Variants in CNTNAP2 observed in about 807,000 individuals in gnomAD.
The protein encoded by CNTNAP2 is contactin-associated protein-like 2.
CNTNAP2 carries 98 observed loss-of-function variants against 155.2 expected under a neutral mutation model. The ratio of observed to expected loss-of-function variants is 0.63; its 90% CI spans 0.54 to 0.75. CNTNAP2 has a LOEUF of 0.75. Among genes scored for constraint, CNTNAP2 ranks in the 30% least tolerant of loss-of-function variants. The pLI, the probability that CNTNAP2 is intolerant of heterozygous loss-of-function variation, is 0.00. For missense variants in CNTNAP2, 1,727 were observed against 1,688.1 expected (o/e 1.02, Z -0.40); for synonymous variants, 651 against 631.2 (o/e 1.03, Z -0.47).
At chr7:147,138,288 A>G (rs1801528852) in intron 8 of CNTNAP2, among the ~76,000 whole-genome samples, 1 of 151,954 alleles carries the variant, frequency 6.6e-6, no homozygotes, top group African/African-American at 2.4e-5. Context: ...AATAGATTCT[A>G]TTGTTTGGTG....
intron 1 of CNTNAP2, among the ~76,000 whole-genome samples, chr7:146,304,725 T>C (rs906239469): frequency 6.6e-6 from 1 of 152,122 alleles, no homozygotes; most frequent in Non-Finnish European, 1.5e-5. Flanking sequence ...ATTTCAACTT[T>C]GGTGAATCTG....
intron 3 of CNTNAP2, among the ~76,000 whole-genome samples, chr7:146,964,770 G>A (rs768717432): frequency 5.3e-5 from 8 of 151,962 alleles, no homozygotes; most frequent in Non-Finnish European, 1.2e-4. Flanking sequence ...GCCAAACGAT[G>A]TCAGTTTCTG....
At chr7:146,364,456 A>G (rs773676757) in intron 1 of CNTNAP2, among the ~76,000 whole-genome samples, 6 of 152,150 alleles carry the variant, frequency 3.9e-5, no homozygotes, top group African/African-American at 1.2e-4. Context: ...ATTTTTTTCA[A>G]TTGCTTTAGA....
At chr7:146,284,824 C>A (rs1281054221) in intron 1 of CNTNAP2, among the ~76,000 whole-genome samples, 7 of 152,148 alleles carry the variant, frequency 4.6e-5, no homozygotes, top group African/African-American at 7.2e-5. Context: ...TAACACCACT[C>A]GTCTCTGATC....
intron 1 of CNTNAP2, among the ~76,000 whole-genome samples, chr7:146,203,354 G>A (rs1416951429): frequency 4.6e-5 from 7 of 152,158 alleles, no homozygotes. Context: ...CTTCCTTTGG[G>A]TTCAGTTAAT....
At chr7:147,133,494 G>A (rs984818471) in intron 8 of CNTNAP2, among the ~76,000 whole-genome samples, 4 of 151,860 alleles carry the variant, frequency 2.6e-5, no homozygotes, top group Admixed American at 1.3e-4. Flanking sequence ...TACCTGACAC[G>A]GTTTCTAACA....
chr7:148,357,506 G>C (rs564334513), intron 21 of CNTNAP2, among the ~76,000 whole-genome samples: 1 of 152,078 alleles, frequency 6.6e-6, no homozygotes, highest in Non-Finnish European at 1.5e-5. Flanking sequence ...TGTAGCCCCC[G>C]TTCAATGATC....
intron 1 of CNTNAP2, among the ~76,000 whole-genome samples, chr7:146,480,618 T>C (rs1796944618): frequency 6.6e-6 from 1 of 151,140 alleles, no homozygotes; most frequent in Non-Finnish European, 1.5e-5. Flanking sequence ...GGTTTCACAG[T>C]TTGTGAGTGT....
intron 13 of CNTNAP2, among the ~76,000 whole-genome samples, chr7:147,648,446 T>G (rs1795401829): frequency 6.6e-6 from 1 of 152,228 alleles, no homozygotes; most frequent in Non-Finnish European, 1.5e-5. Context: ...ATAAACTTAC[T>G]GAAGGCTACC....
chr7:146,474,784 G>T (rs2129127296), intron 1 of CNTNAP2, among the ~76,000 whole-genome samples: 1 of 152,248 alleles, frequency 6.6e-6, no homozygotes, highest in African/African-American at 2.4e-5. Context: ...ACTGTATCTA[G>T]ATTTTGAAGA....
rs536665384 is a variant in CNTNAP2 at position 147,466,696 on chromosome 7, C to T, written c.1671-19239C>T. Among the ~76,000 whole-genome samples, 68 of 152,234 alleles carry T rather than the reference C, an allele frequency of 4.5e-4. No individual in the cohort carries two copies. In the South Asian group the frequency reaches 0.014, roughly 31 times the overall value. On this transcript the variant is annotated intron_variant, in intron 10 of 23. Transcript: ENST00000361727. Reference sequence around the variant, plus strand: ...CTTTGGGAGGCCAAGGTGGGCTGATCGCCTGAGGTCGGGAGTTTGAGACCA... The same window carrying T: ...CTTTGGGAGGCCAAGGTGGGCTGATTGCCTGAGGTCGGGAGTTTGAGACCA...
At chr7:148,022,916 C>A (rs757648111) in intron 15 of CNTNAP2, among the ~76,000 whole-genome samples, 8 of 152,044 alleles carry the variant, frequency 5.3e-5, no homozygotes, top group East Asian at 1.9e-4. Flanking sequence ...AAAACAGACG[C>A]CCCTGAAGTG....
intron 1 of CNTNAP2, among the ~76,000 whole-genome samples, chr7:146,378,516 A>G (rs77386742): frequency 0.05 from 7,541 of 152,218 alleles, 462 homozygotes; most frequent in African/African-American, 0.15. Context: ...TAAGAATCCT[A>G]TGAAGTAGAT....
chr7:146,363,268 G>A (rs894311197), intron 1 of CNTNAP2, among the ~76,000 whole-genome samples: 28 of 152,160 alleles, frequency 1.8e-4, no homozygotes, highest in Admixed American at 1.4e-3. Context: ...CAGGATTCAA[G>A]GCTGGGCAGT....
intron 11 of CNTNAP2, among the ~76,000 whole-genome samples, chr7:147,506,776 C>T (rs1434378964): frequency 2.0e-5 from 3 of 152,200 alleles, no homozygotes; most frequent in Non-Finnish European, 4.4e-5. Flanking sequence ...TCCACACTAG[C>T]TATAACAAAA....
chr7:148,362,353 G>A (rs1004012501), intron 21 of CNTNAP2, among the ~76,000 whole-genome samples: 3 of 152,068 alleles, frequency 2.0e-5, no homozygotes, highest in African/African-American at 7.2e-5. Context: ...ATTTGGGTGG[G>A]GACACAGAGC....
chr7:148,388,260 C>T (rs1352871724), intron 22 of CNTNAP2, among the ~76,000 whole-genome samples: 2 of 151,528 alleles, frequency 1.3e-5, no homozygotes, highest in Non-Finnish European at 2.9e-5. Context: ...CATCATCTAG[C>T]ATTAGGTATA....
At chr7:146,412,981 C>T (rs1311046187) in intron 1 of CNTNAP2, among the ~76,000 whole-genome samples, 1 of 152,110 alleles carries the variant, frequency 6.6e-6, no homozygotes, top group Admixed American at 6.5e-5. Context: ...TGAAGACCCC[C>T]CTCAGTTAGA....
At chr7:147,304,654 G>A (rs1158633354) in intron 9 of CNTNAP2, among the ~76,000 whole-genome samples, 2 of 152,150 alleles carry the variant, frequency 1.3e-5, no homozygotes, top group Admixed American at 6.6e-5. Context: ...AAGTGGTGAA[G>A]GCAAGAGAAA....
Sources: allele counts gnomAD v4.1 joint callset (sites outside exome capture counted in the v4.1 genomes callset), GRCh38; gene constraint gnomAD v4.1.1; transcripts MANE v1.5; gene names NCBI Gene and HGNC (gene_info 2026-07-23, HGNC 2026-07-21).